Variants in SLC71A2 observed in about 807,000 individuals in gnomAD.
SLC71A2 encodes the protein solute carrier family 71 member 2.
At chr9:94,445,943 A>G in the SLC71A2 span, among the ~76,000 whole-genome samples, 912 of 152,350 alleles carry the variant, frequency 6.0e-3, 7 homozygotes, top group African/African-American at 0.02. Flanking sequence ...ACAATGTCAG[A>G]CACCAAAAGA....
At chr9:94,438,081 A>G in the SLC71A2 span, among the ~76,000 whole-genome samples, 6 of 152,096 alleles carry the variant, frequency 3.9e-5, no homozygotes, top group South Asian at 4.1e-4. Context: ...GGCGTCTGCC[A>G]CCACGCCCGG....
chr9:94,435,650 C>CT, the SLC71A2 span, among the ~76,000 whole-genome samples: 9,375 of 48,276 alleles, frequency 0.19, 381 homozygotes, highest in Non-Finnish European at 0.25. Flanking sequence ...TTTCCTTCTT[C>CT]TTTTTTTTTT....
the SLC71A2 span, among the ~76,000 whole-genome samples, chr9:94,442,237 T>C: frequency 1.3e-5 from 2 of 152,204 alleles, no homozygotes; most frequent in East Asian, 1.9e-4. Flanking sequence ...TTCTCATTCA[T>C]TGCTGACTGA....
chr9:94,398,115 T>C, the SLC71A2 span, among the ~76,000 whole-genome samples: 2 of 151,788 alleles, frequency 1.3e-5, no homozygotes, highest in Non-Finnish European at 2.9e-5. Flanking sequence ...TCATAGATAT[T>C]TATTTTGTAC....
the SLC71A2 span, among the ~76,000 whole-genome samples, chr9:94,452,653 ATATT>A: frequency 3.1e-5 from 2 of 65,198 alleles, no homozygotes; most frequent in African/African-American, 1.6e-4. Context: ...ATATTCATAT[ATATT>A]CATATATATT....
the SLC71A2 span, among the ~76,000 whole-genome samples, chr9:94,456,607 ATCTTTTCT>A: frequency 2.2e-5 from 3 of 135,434 alleles, no homozygotes; most frequent in African/African-American, 7.9e-5. Flanking sequence ...GTTTTGATAC[ATCTTTTCT>A]TCTTTAGTGT....
At chr9:94,424,917 T>A in the SLC71A2 span, among the ~76,000 whole-genome samples, 17,586 of 111,090 alleles carry the variant, frequency 0.16, 1,727 homozygotes, top group East Asian at 0.32. Context: ...TTTTTTTTTT[T>A]TAAATAATAA....
the SLC71A2 span, among the ~76,000 whole-genome samples, chr9:94,442,839 C>A: frequency 2.0e-5 from 3 of 151,274 alleles, no homozygotes; most frequent in Non-Finnish European, 4.4e-5. Flanking sequence ...ACGGTCAGAC[C>A]CGCCTCAAAA....
chr9:94,409,649 A>G, the SLC71A2 span, among the ~76,000 whole-genome samples: 92 of 152,230 alleles, frequency 6.0e-4, no homozygotes, highest in African/African-American at 1.7e-3. Context: ...GCTGCATTCA[A>G]CTGGTGTGTT....
the SLC71A2 span, among the ~76,000 whole-genome samples, chr9:94,451,036 T>C: frequency 6.6e-6 from 1 of 152,144 alleles, no homozygotes; most frequent in African/African-American, 2.4e-5. Flanking sequence ...CCTTATCCCT[T>C]GTCTTTTGCT....
the SLC71A2 span, among the ~76,000 whole-genome samples, chr9:94,436,957 A>T: frequency 6.6e-6 from 1 of 152,222 alleles, no homozygotes; most frequent in Non-Finnish European, 1.5e-5. Context: ...CCAGTAGAGA[A>T]GATAGACAAA....
chr9:94,443,582 T>C, the SLC71A2 span, among the ~76,000 whole-genome samples: 2 of 152,220 alleles, frequency 1.3e-5, no homozygotes, highest in African/African-American at 4.8e-5. Context: ...TTTAGATTTA[T>C]TCATCAGAGT....
At chr9:94,445,769 G>A in the SLC71A2 span, among the ~76,000 whole-genome samples, 1 of 150,998 alleles carries the variant, frequency 6.6e-6, no homozygotes, top group African/African-American at 2.4e-5. Flanking sequence ...TGTTCTTGGG[G>A]AAAAAAAAAG....
At chr9:94,418,638 A>G in the SLC71A2 span, among the ~76,000 whole-genome samples, 1 of 151,260 alleles carries the variant, frequency 6.6e-6, no homozygotes, top group Non-Finnish European at 1.5e-5. Flanking sequence ...GTTTCACCAT[A>G]TTGGCCAGGC....
At chr9:94,381,525 T>C in the SLC71A2 span, among the ~76,000 whole-genome samples, 27,947 of 150,784 alleles carry the variant, frequency 0.19, 1,648 homozygotes, top group Middle Eastern at 0.28. Context: ...TACATTCCCT[T>C]GTTGATGGAC....
At chr9:94,452,163 C>A in the SLC71A2 span, among the ~76,000 whole-genome samples, 16 of 152,120 alleles carry the variant, frequency 1.1e-4, no homozygotes, top group Non-Finnish European at 2.2e-4. Context: ...CTCTGGATTG[C>A]AAAATCAACT....
At chr9:94,430,000 G>A in the SLC71A2 span, among the ~76,000 whole-genome samples, 3 of 149,250 alleles carry the variant, frequency 2.0e-5, no homozygotes, top group African/African-American at 4.9e-5. Flanking sequence ...TCCGCCTCCC[G>A]GGTTCAAGCA....
the SLC71A2 span, among the ~76,000 whole-genome samples, chr9:94,424,931 T>C: frequency 2.0e-5 from 3 of 150,306 alleles, no homozygotes; most frequent in Non-Finnish European, 4.4e-5. Flanking sequence ...ATAATAAATA[T>C]CGGGTTTCAG....
At chr9:94,446,830 A>G in the SLC71A2 span, 1 of 1,586,654 alleles carries the variant, frequency 6.3e-7, no homozygotes, top group South Asian at 1.1e-5. Flanking sequence ...CAGTCGTTGA[A>G]GAAAGTTGGA....
Sources: allele counts gnomAD v4.1 joint callset (sites outside exome capture counted in the v4.1 genomes callset), GRCh38; gene constraint gnomAD v4.1.1; transcripts MANE v1.5; gene names NCBI Gene and HGNC (gene_info 2026-07-23, HGNC 2026-07-21).